MAP4K3: variants seen among roughly 807,000 people sequenced by gnomAD.
MAP4K3 encodes the protein mitogen-activated protein kinase kinase kinase kinase 3, also known as MAPK/ERK kinase kinase kinase 3.
A neutral mutation model predicts 143.5 loss-of-function variants in MAP4K3; 94 were observed. The ratio of observed to expected loss-of-function variants is 0.65; its 90% CI spans 0.55 to 0.78. MAP4K3 has a LOEUF of 0.78. Among genes scored for constraint, MAP4K3 ranks in the 30% least tolerant of loss-of-function variants. The pLI is 0.00. For synonymous variants in MAP4K3, 416 were observed against 347.2 expected (o/e 1.20, Z -2.20); for missense variants, 1,077 against 1,068.1 (o/e 1.01, Z -0.12).
intron 1 of MAP4K3, among the ~76,000 whole-genome samples, chr2:39,385,392 C>T (rs971610374): frequency 6.6e-6 from 1 of 151,778 alleles, no homozygotes; most frequent in Non-Finnish European, 1.5e-5. Context: ...TAGGTAAATG[C>T]TATTTCATGG....
intron 24 of MAP4K3, among the ~76,000 whole-genome samples, chr2:39,276,789 A>T (rs1437160540): frequency 6.6e-6 from 1 of 152,238 alleles, no homozygotes; most frequent in East Asian, 1.9e-4. Flanking sequence ...GTACTAAATG[A>T]TAAAAGCTCC....
At chr2:39,337,637 T>C (rs911220803) in intron 4 of MAP4K3, 56 bp from the exon 5 acceptor site, 7 of 1,185,620 alleles carry the variant, frequency 5.9e-6, no homozygotes, top group Non-Finnish European at 8.7e-6. Context: ...TTTTTCAATA[T>C]ATAATAAAGT....
intron 14 of MAP4K3, 124 bp from the exon 15 acceptor site, chr2:39,308,129 G>A (rs2148497346): frequency 3.6e-6 from 2 of 548,362 alleles, no homozygotes. Context: ...GGCAAATGGA[G>A]AGTCAAACTG....
intron 24 of MAP4K3, among the ~76,000 whole-genome samples, chr2:39,273,936 G>GT (rs1270489650): frequency 7.0e-6 from 1 of 143,648 alleles, no homozygotes; most frequent in Non-Finnish European, 1.5e-5. Context: ...ATATCAGTAC[G>GT]TGTTATCAAA....
At position 39,250,561 on chromosome 2, in the gene MAP4K3, A is replaced by T. The variant is rs557010125; in HGVS notation, c.*57T>A. On this transcript the variant is annotated 3_prime_UTR_variant, in exon 34 of 34. Transcript: ENST00000263881. Reference sequence around the variant, plus strand: ...TTTGTACAGCTTCAAGCATCCATTAATGTTGCAGTGGTAGTGTTCTTTCTT... The same window carrying T: ...TTTGTACAGCTTCAAGCATCCATTATTGTTGCAGTGGTAGTGTTCTTTCTT... 1 of 1,460,510 alleles carries T rather than the reference A, an allele frequency of 6.8e-7. No homozygotes were observed. The highest frequency in any genetic ancestry group is 9.6e-7 in the Non-Finnish European group (1 of 1,045,156). 90.5% of individuals were successfully genotyped at this position (1,460,510 alleles called of 1,614,324 possible). A position where few individuals can be genotyped will look rare whatever the true frequency, so the allele number is the denominator to read the frequency against.
chr2:39,409,221 T>A (rs926957678), intron 1 of MAP4K3, among the ~76,000 whole-genome samples: 1 of 152,220 alleles, frequency 6.6e-6, no homozygotes, highest in African/African-American at 2.4e-5. Flanking sequence ...GCTTACTATA[T>A]TGTAAGAATA....
chr2:39,360,506 T>C (rs531033887), intron 2 of MAP4K3, among the ~76,000 whole-genome samples: 5 of 152,258 alleles, frequency 3.3e-5, no homozygotes, highest in South Asian at 2.1e-4. Flanking sequence ...AATTCCAAAG[T>C]TGCTTCCAGA....
At chr2:39,427,139 C>A (rs1447597423) in intron 1 of MAP4K3, among the ~76,000 whole-genome samples, 1 of 151,882 alleles carries the variant, frequency 6.6e-6, no homozygotes, top group Non-Finnish European at 1.5e-5. Flanking sequence ...TTCTCCACAG[C>A]ACAACAGGTA....
At position 39,272,305 on chromosome 2, in the gene MAP4K3, G is replaced by A; in HGVS notation, c.1951C>T (p.Leu651Phe). The change falls in exon 26 of 34, where the codon CTC becomes TTC. Residue 651 changes from leucine (L) to phenylalanine (F), a missense_variant. By Grantham distance (22) the Leu-to-Phe change is conservative. Around this residue, in one of 2 missense-constraint regions of MAP4K3, gnomAD observed 864 missense variants for 801.2 expected, o/e 1.08. Transcript: ENST00000263881. ...TACCTTGGCAGTATTCTGTCAGGGA[G>A]TTTGTGTGCTGGAATAGCAACAGGT... ...KLPVAIPAHKLPDRILPRKFS... is the reference protein window; with the variant it reads ...KLPVAIPAHKFPDRILPRKFS... The A allele has an allele frequency of 6.2e-7, 1 of 1,613,212 alleles. No homozygotes were observed. Among genetic ancestry groups the A allele is most frequent in the Non-Finnish European group, 8.5e-7 (1 of 1,179,300 alleles).
In MAP4K3 at chr2:39,428,470, C is replaced by T. The variant is rs1268824960; in HGVS notation, c.96+8422G>A. 2.6e-5 allele frequency among the ~76,000 whole-genome samples: 4 copies of T among 151,844 alleles called. No homozygotes were observed. In the South Asian group the frequency reaches 8.3e-4, roughly 32 times the overall value. ...AGGTGATCACCTGAGGTCAGGAGTT[C>T]GAGACCAGCCTGGCCAACATGGCGA... is the stretch of plus-strand genomic sequence containing the variant. On this transcript the variant is annotated intron_variant, in intron 1 of 33. Transcript: ENST00000263881.
intron 2 of MAP4K3, among the ~76,000 whole-genome samples, chr2:39,364,601 C>T (rs2148562756): frequency 6.6e-6 from 1 of 152,334 alleles, no homozygotes; most frequent in South Asian, 2.1e-4. Context: ...GGTGCGGTGG[C>T]TTACGCCTGT....
chr2:39,251,465 T>C (rs1391523494), intron 33 of MAP4K3, among the ~76,000 whole-genome samples: 2 of 152,202 alleles, frequency 1.3e-5, no homozygotes, highest in African/African-American at 4.8e-5. Context: ...TATAACTTTA[T>C]AATCTCTCCC....
chr2:39,390,540 T>C (rs1183431914), intron 1 of MAP4K3, among the ~76,000 whole-genome samples: 3 of 152,134 alleles, frequency 2.0e-5, no homozygotes, highest in Non-Finnish European at 4.4e-5. Context: ...CATAGTCTAA[T>C]AAGCGTGAAA....
rs537086453 is a variant in MAP4K3, at chr2:39,335,555, A to G, written c.414+1365T>C. Among the ~76,000 whole-genome samples the G allele has an allele frequency of 2.6e-5, 4 of 152,314 alleles. No individual in the cohort carries two copies. The Middle Eastern group carries it at 0.014, about 518-fold the overall frequency. On this transcript the variant is annotated intron_variant, in intron 6 of 33. Transcript: ENST00000263881. ...ATATGGTACAGTTTTTATGTTCTCT[A>G]AAATGGCCTCACACTTTCTAACTTC...
chr2:39,304,144 T>C (rs1682608785), intron 15 of MAP4K3, among the ~76,000 whole-genome samples: 1 of 101,100 alleles, frequency 9.9e-6, no homozygotes, highest in African/African-American at 2.8e-5. Flanking sequence ...ATATTAATTA[T>C]CTGATTTTTT....
intron 1 of MAP4K3, 21 bp from the exon 2 acceptor site, chr2:39,378,144 G>A (rs555260714): frequency 1.4e-6 from 2 of 1,437,278 alleles, no homozygotes; most frequent in South Asian, 2.5e-5. Flanking sequence ...GAGGAAAAAA[G>A]GATTATTGTG....
intron 12 of MAP4K3, among the ~76,000 whole-genome samples, chr2:39,318,268 A>G (rs113616890): frequency 0.039 from 5,939 of 152,190 alleles, 142 homozygotes; most frequent in South Asian, 0.059. Flanking sequence ...GGGTGAGGAT[A>G]AAAAACTACC....
chr2:39,267,392 C>G (rs1341356579), intron 26 of MAP4K3, 145 bp from the exon 27 acceptor site: 2 of 649,708 alleles, frequency 3.1e-6, no homozygotes, highest in African/African-American at 3.6e-5. Context: ...AATAAAAAGG[C>G]CGGGTGCCAT....
intron 2 of MAP4K3, among the ~76,000 whole-genome samples, chr2:39,373,387 G>A (rs984913571): frequency 4.6e-5 from 7 of 152,184 alleles, no homozygotes; most frequent in Admixed American, 3.3e-4. Context: ...GAGGTTCCTC[G>A]AAAAACTAAA....
Sources: allele counts gnomAD v4.1 joint callset (sites outside exome capture counted in the v4.1 genomes callset), GRCh38; gene constraint gnomAD v4.1.1; regional missense constraint gnomAD v4.1.1; transcripts MANE v1.5; gene names NCBI Gene and HGNC (gene_info 2026-07-23, HGNC 2026-07-21).